SLC44A2: variants seen among roughly 807,000 people sequenced by gnomAD.
SLC44A2 encodes solute carrier family 44 member 2 (CTL2 blood group).
SLC44A2 carries 57 observed loss-of-function variants against 90.8 expected under a neutral mutation model. That is an observed-to-expected ratio of 0.63 (90% CI 0.51 to 0.78). The LOEUF is 0.78. Among genes scored for constraint, SLC44A2 ranks in the 30% least tolerant of loss-of-function variants. SLC44A2 has a pLI of 0.00. For synonymous variants in SLC44A2, 355 were observed against 360.7 expected, an observed-to-expected ratio of 0.98 and a Z score of 0.18; for missense variants, 794 against 919.7, an observed-to-expected ratio of 0.86 and a Z score of 1.77.
At chr19:10,622,407 G>A (rs1007250368), upstream of SLC44A2, among the ~76,000 whole-genome samples, 5 of 152,096 alleles carry the variant, frequency 3.3e-5, no homozygotes, top group East Asian at 1.9e-4. Flanking sequence ...GTCTCTGGCC[G>A]CTATAGTGAG....
upstream of SLC44A2, among the ~76,000 whole-genome samples, chr19:10,622,772 C>T (rs1328910664): frequency 1.3e-5 from 2 of 152,026 alleles, no homozygotes; most frequent in Non-Finnish European, 2.9e-5. Flanking sequence ...TGTGGTGGCG[C>T]GTGCCTGTGA....
intron 5 of SLC44A2, 26 bp from the exon 6 acceptor site, chr19:10,631,249 C>G: frequency 6.2e-7 from 1 of 1,611,872 alleles, no homozygotes; most frequent in Non-Finnish European, 8.5e-7. Flanking sequence ...CCAACTCCAC[C>G]CAATCCCTTC....
At chr19:10,642,953 G>T in intron 21 of SLC44A2, 1 of 1,592,926 alleles carries the variant, frequency 6.3e-7, no homozygotes. Context: ...CATGTCGCCC[G>T]AGCTGAGAGA....
chr19:10,615,506 G>C (rs1477519089), intron 1 of SLC44A2, among the ~76,000 whole-genome samples: 1 of 151,486 alleles, frequency 6.6e-6, no homozygotes, highest in East Asian at 1.9e-4. Context: ...CCCGGGAGGC[G>C]GAAGTTGCCG....
At chr19:10,625,530 G>T, upstream of SLC44A2, 2 of 1,228,026 alleles carry the variant, frequency 1.6e-6, no homozygotes, top group South Asian at 8.2e-5. Context: ...GTGCTGGGAG[G>T]AGCCGCCGCC....
chr19:10,614,991 A>C (rs966023128), intron 1 of SLC44A2, among the ~76,000 whole-genome samples: 1 of 150,094 alleles, frequency 6.7e-6, no homozygotes, highest in African/African-American at 2.4e-5. Context: ...AAAAAAAAGA[A>C]GAAGAAAAGA....
In SLC44A2 at chr19:10,631,929, G is replaced by T. The variant is rs141928916; in HGVS notation, c.688G>T (p.Val230Phe). 13 of 1,614,202 alleles carry T rather than the reference G, an allele frequency of 8.1e-6. No homozygotes were observed. Among genetic ancestry groups the T allele is most frequent in the East Asian group, 2.2e-5 (1 of 44,882 alleles). ...CATGCGCATATTTGAAGATTACACC[G>T]TCTCTTGGTACTGGATTATCATGTA... ...LAMRIFEDYT[V>F]SWYWIIIGLV... is the part of the protein sequence containing the mutation. The change falls in exon 9 of 22, where the codon GTC becomes TTC. Residue 230 changes from valine to phenylalanine, a missense_variant. Around this residue, in one of 3 missense-constraint regions of SLC44A2, gnomAD observed 738 missense variants for 841.1 expected, o/e 0.88. Coordinates refer to ENST00000335757, the MANE Select transcript of SLC44A2 (RefSeq NM_020428.4).
At chr19:10,621,313 C>G (rs1002678289), upstream of SLC44A2, among the ~76,000 whole-genome samples, 1 of 150,558 alleles carries the variant, frequency 6.6e-6, no homozygotes, top group Non-Finnish European at 1.5e-5. Context: ...GATGGCACCA[C>G]TGCACTCCAG....
intron 1 of SLC44A2, among the ~76,000 whole-genome samples, chr19:10,618,265 C>T (rs905083399): frequency 6.6e-6 from 1 of 151,126 alleles, no homozygotes; most frequent in Non-Finnish European, 1.5e-5. Flanking sequence ...AGCTCCACCT[C>T]CCGGGTTCAC....
At chr19:10,631,217 C>A in intron 5 of SLC44A2, 58 bp from the exon 6 acceptor site, 1 of 1,605,480 alleles carries the variant, frequency 6.2e-7, no homozygotes, top group Non-Finnish European at 8.5e-7. Flanking sequence ...TGGGCTGCGA[C>A]CTCAGTCCTG....
chr19:10,619,026 G>A (rs892343903), intron 1 of SLC44A2, among the ~76,000 whole-genome samples: 3 of 144,804 alleles, frequency 2.1e-5, no homozygotes, highest in East Asian at 2.0e-4. Context: ...GGGCAGTGGC[G>A]CAATCACAGC....
intron 14 of SLC44A2, chr19:10,635,767 T>G: frequency 2.0e-5 from 6 of 295,510 alleles, no homozygotes; most frequent in South Asian, 4.7e-5. Flanking sequence ...CATTTTTCCC[T>G]ACTTCCTTTT....
At chr19:10,628,115 T>A (rs1269387151) in intron 4 of SLC44A2, 111 bp downstream of exon 4, 2 of 988,170 alleles carry the variant, frequency 2.0e-6, no homozygotes, top group South Asian at 1.5e-5. Flanking sequence ...CTGGGCGCGG[T>A]GACTCACGCC....
In SLC44A2 at chr19:10,642,375, C is replaced by T. The variant is rs765741131; in HGVS notation, c.1938C>T (p.Ile646=). Residue 646 remains isoleucine, a synonymous_variant, in exon 21 of 22, where the codon ATC becomes ATT. Coordinates refer to ENST00000335757, the MANE Select transcript of SLC44A2 (RefSeq NM_020428.4). ...NYYWVPILTV[I]VGSYLIAHGF... is the part of the protein sequence containing the mutation. ...CGTTTCTCCTTGCCCAGACGGTGAT[C>T]GTTGGCTCCTACTTGATTGCACACG... The T allele has an allele frequency of 4.3e-6, 7 of 1,614,028 alleles. No homozygotes were observed. The highest frequency in any genetic ancestry group is 2.2e-5 in the South Asian group (2 of 91,082).
intron 10 of SLC44A2, among the ~76,000 whole-genome samples, chr19:10,633,415 C>T (rs1189823529): frequency 6.6e-6 from 1 of 151,894 alleles, no homozygotes; most frequent in Non-Finnish European, 1.5e-5. Context: ...CTGCCTCGAC[C>T]TCCCAAAGTG....
chr19:10,625,042 G>A (rs1405692192), upstream of SLC44A2, among the ~76,000 whole-genome samples: 1 of 152,116 alleles, frequency 6.6e-6, no homozygotes, highest in Non-Finnish European at 1.5e-5. Context: ...GCTTAGTCAG[G>A]AGGATGGCTT....
At chr19:10,630,370 A>G (rs1318566740) in intron 4 of SLC44A2, among the ~76,000 whole-genome samples, 1 of 147,044 alleles carries the variant, frequency 6.8e-6, no homozygotes, top group Non-Finnish European at 1.5e-5. Flanking sequence ...AAAAAAAACA[A>G]AAGAGGCCGG....
At chr19:10,616,990 C>T (rs956122128) in intron 1 of SLC44A2, among the ~76,000 whole-genome samples, 2 of 151,978 alleles carry the variant, frequency 1.3e-5, no homozygotes, top group South Asian at 2.1e-4. Context: ...GGCGCGATCT[C>T]GGCTCACTGC....
intron 1 of SLC44A2, 73 bp downstream of exon 1, chr19:10,625,743 G>A (rs1045812718): frequency 1.7e-6 from 2 of 1,187,668 alleles, no homozygotes; most frequent in African/African-American, 1.6e-5. Context: ...AGAGAACATG[G>A]GGCGCAGGGA....
Sources: allele counts gnomAD v4.1 joint callset (sites outside exome capture counted in the v4.1 genomes callset), GRCh38; gene constraint gnomAD v4.1.1; regional missense constraint gnomAD v4.1.1; transcripts MANE v1.5; gene names NCBI Gene and HGNC (gene_info 2026-07-23, HGNC 2026-07-21).